The following COL5A1 variants were observed in gnomAD, a reference collection of about 807,000 sequenced individuals.
COL5A1 encodes collagen type V alpha 1 chain.
Under a neutral mutation model 263.7 loss-of-function variants are expected in COL5A1, and 16 were observed. The observed-to-expected ratio is 0.06, with a 90% confidence interval of 0.04 to 0.09. The LOEUF is 0.09. COL5A1 is among the 10% of genes least tolerant of loss of function. COL5A1 has a pLI of 1.00. For synonymous variants in COL5A1, 1,012 were observed against 1,004.5 expected, an observed-to-expected ratio of 1.01 and a Z score of -0.14; for missense variants, 2,036 against 2,540.5, an observed-to-expected ratio of 0.80 and a Z score of 4.27.
In COL5A1 at chr9:134,763,511, G is replaced by A. The variant is rs573049966; in HGVS notation, c.1990-182G>A. Among the ~76,000 whole-genome samples the A allele has an allele frequency of 4.6e-5, 7 of 152,372 alleles. No homozygotes were observed. The East Asian group carries it at 1.4e-3, about 29-fold the overall frequency. The stretch of plus-strand genomic sequence containing the variant: ...CCTGCAGGCTTCACCTGCAGTGTCT[G>A]CACACCTAGCAGCTTGCTGGGAGCG... On this transcript the variant is annotated intron_variant, in intron 19 of 65. Coordinates refer to ENST00000371817, the MANE Select transcript of COL5A1 (RefSeq NM_000093.5).
intron 1 of COL5A1, among the ~76,000 whole-genome samples, chr9:134,655,117 G>T (rs1179011489): frequency 6.9e-6 from 1 of 144,940 alleles, no homozygotes; most frequent in Non-Finnish European, 1.5e-5. Flanking sequence ...GGCTGGGGGT[G>T]TGTAGGGCTG....
Position 134,742,171 on chromosome 9 carries a change from C to T in COL5A1, c.1494+3363C>T, listed in dbSNP as rs1037747888. Among the ~76,000 whole-genome samples the T allele has an allele frequency of 3.3e-5, 5 of 152,196 alleles. No homozygotes were observed. Among genetic ancestry groups the T allele is most frequent in the African/African-American group, 1.2e-4 (5 of 41,446 alleles). On this transcript the variant is annotated intron_variant, in intron 11 of 65. Coordinates refer to ENST00000371817, the MANE Select transcript of COL5A1 (RefSeq NM_000093.5). The surrounding 1 kb of genome is among the most constrained non-coding windows in gnomAD (Gnocchi z 4.6). The stretch of plus-strand genomic sequence containing the variant: ...CCCTGCACACTCTCCCGCTGCTCCC[C>T]TTGGATGACCTTCCATGCTGCATCT...
At chr9:134,714,404 G>C in intron 4 of COL5A1, among the ~76,000 whole-genome samples, 1 of 149,750 alleles carries the variant, frequency 6.7e-6, no homozygotes, top group Admixed American at 6.6e-5. Flanking sequence ...GGTGGTGGTA[G>C]TGGTGGTGGT....
chr9:134,661,121 G>A (rs1040271964), intron 1 of COL5A1, among the ~76,000 whole-genome samples: 7 of 151,746 alleles, frequency 4.6e-5, no homozygotes, highest in African/African-American at 1.7e-4. Flanking sequence ...ACCCCAAAGA[G>A]GCTGGGTGGG....
chr9:134,752,107 C>A (rs1377961242), intron 13 of COL5A1, among the ~76,000 whole-genome samples: 4 of 152,188 alleles, frequency 2.6e-5, no homozygotes, highest in Non-Finnish European at 4.4e-5. Flanking sequence ...GCAGAGGGGG[C>A]AGGTGGGTTC....
chr9:134,649,266 T>TC, intron 1 of COL5A1: 1 of 331,578 alleles, frequency 3.0e-6, no homozygotes, highest in Non-Finnish European at 5.8e-6. Context: ...ACCCTCAGCT[T>TC]CCTATCAGCA....
Position 134,818,289 on chromosome 9 carries a change from A to T in COL5A1, c.4231-367A>T, listed in dbSNP as rs1838844109. 6.6e-6 allele frequency among the ~76,000 whole-genome samples: 1 copy of T among 152,148 alleles called. No individual in the cohort carries two copies. Among genetic ancestry groups the T allele is most frequent in the African/African-American group, 2.4e-5 (1 of 41,458 alleles). ...CCTGGCCCAGAGCACACGGGAGGCTATTCTGTCAGTGAGGTGATGGCGGCC... is the reference window on the plus strand; with the variant it reads ...CCTGGCCCAGAGCACACGGGAGGCTTTTCTGTCAGTGAGGTGATGGCGGCC... On this transcript the variant is annotated intron_variant, in intron 54 of 65. Transcript: ENST00000371817. This position sits in a 1 kb window ranked among gnomAD's most constrained non-coding sequence, Gnocchi z 6.0.
chr9:134,761,285 TCACA>T lies in COL5A1; in HGVS notation c.1936-637_1936-634del, dbSNP rs553360166. 3.8e-4 allele frequency among the ~76,000 whole-genome samples: 56 copies of T among 148,288 alleles called. No homozygotes were observed. The Middle Eastern group carries it at 0.01, about 28-fold the overall frequency. On this transcript the variant is annotated intron_variant, in intron 18 of 65. Transcript: ENST00000371817. ...CGTGCACTCGCATACACACATGCAC[TCACA>T]CAAACACACAGGCGCACCCACACAT...
rs939417904 is a variant in COL5A1, at chr9:134,789,388, G to A, written c.2700+180G>A. 6.6e-6 allele frequency among the ~76,000 whole-genome samples: 1 copy of A among 152,152 alleles called. No individual in the cohort carries two copies. Among genetic ancestry groups the A allele is most frequent in the South Asian group, 2.1e-4 (1 of 4,828 alleles). ...CACGTGTTGGTGACACTCTCCAGAC[G>A]CTGGGCTGGGCAGGTATGTGATAGG... On this transcript the variant is annotated intron_variant, in intron 32 of 65. Transcript: ENST00000371817. The surrounding 1 kb of genome is among the most constrained non-coding windows in gnomAD (Gnocchi z 4.8).
intron 10 of COL5A1, 115 bp from the exon 11 acceptor site, chr9:134,738,631 C>A: frequency 6.5e-7 from 1 of 1,541,050 alleles, no homozygotes. Context: ...TTTTGCAGAT[C>A]CCCTGGGAGC....
chr9:134,776,912 C>A (rs949978611), intron 27 of COL5A1, among the ~76,000 whole-genome samples: 1 of 152,148 alleles, frequency 6.6e-6, no homozygotes, highest in African/African-American at 2.4e-5. Flanking sequence ...GGACGAGCAC[C>A]CTGGGGCCTC....
intron 9 of COL5A1, among the ~76,000 whole-genome samples, chr9:134,733,901 C>T (rs1834997138): frequency 6.6e-6 from 1 of 152,178 alleles, no homozygotes. Context: ...TTGTGCTGTC[C>T]CCATTGCTTC....
rs1027935441 is a variant in COL5A1 at position 134,818,186 on chromosome 9, C to G, written c.4230+355C>G. 6.6e-6 allele frequency among the ~76,000 whole-genome samples: 1 copy of G among 152,212 alleles called. No homozygotes were observed. The highest frequency in any genetic ancestry group is 2.1e-4 in the South Asian group (1 of 4,826). ...TGAGCCGCCTACCTCTGAAGTGGAC[C>G]GTGTCCGATGGTGACCGTGTCTGCT... On this transcript the variant is annotated intron_variant, in intron 54 of 65. Coordinates refer to ENST00000371817, the MANE Select transcript of COL5A1 (RefSeq NM_000093.5). This position sits in a 1 kb window ranked among gnomAD's most constrained non-coding sequence, Gnocchi z 6.0.
At chr9:134,799,835 G>A (rs183107390) in intron 37 of COL5A1, among the ~76,000 whole-genome samples, 2 of 152,326 alleles carry the variant, frequency 1.3e-5, no homozygotes, top group Admixed American at 1.3e-4. Flanking sequence ...AAGATAGAAG[G>A]TTTTACATAT....
chr9:134,840,404 C>T (rs1393128235), intron 65 of COL5A1, among the ~76,000 whole-genome samples: 2 of 152,204 alleles, frequency 1.3e-5, no homozygotes, highest in African/African-American at 4.8e-5. Context: ...TTCATTCCTT[C>T]TCACAGCGCC....
At chr9:134,646,036 C>T (rs147694707) in intron 1 of COL5A1, among the ~76,000 whole-genome samples, 2 of 152,088 alleles carry the variant, frequency 1.3e-5, no homozygotes, top group East Asian at 1.9e-4. Context: ...CATCCCTTCT[C>T]TTTTTACTCC....
chr9:134,833,210 A>AT (rs1839715641), intron 64 of COL5A1, among the ~76,000 whole-genome samples: 1 of 152,200 alleles, frequency 6.6e-6, no homozygotes, highest in African/African-American at 2.4e-5. Flanking sequence ...CGGGGAGCTA[A>AT]GATGCATCGA....
intron 14 of COL5A1, among the ~76,000 whole-genome samples, chr9:134,753,121 C>T (rs1215943628): frequency 6.7e-6 from 1 of 149,450 alleles, no homozygotes; most frequent in African/African-American, 2.5e-5. Flanking sequence ...GCTGTGACTG[C>T]CTTGTGGAGC....
At chr9:134,817,506 C>T (rs553894424) in intron 53 of COL5A1, among the ~76,000 whole-genome samples, 7 of 152,308 alleles carry the variant, frequency 4.6e-5, no homozygotes, top group South Asian at 4.1e-4. Flanking sequence ...GCGTGCACTG[C>T]GCCTCCCCAC....
Sources: gnomAD v4.1 joint callset for allele counts (sites outside exome capture counted in the v4.1 genomes callset) on GRCh38, gnomAD v4.1.1 for gene constraint, Gnocchi (gnomAD v3.1) non-coding constraint, MANE v1.5 for transcripts, NCBI Gene and HGNC (gene_info 2026-07-23, HGNC 2026-07-21) for gene names.